The following MIB2 variants were observed in gnomAD, a reference collection of about 807,000 sequenced individuals.
MIB2 encodes E3 ubiquitin-protein ligase MIB2.
Under a neutral mutation model 96.6 loss-of-function variants are expected in MIB2, and 78 were observed. That is an observed-to-expected ratio of 0.81 (90% CI 0.67 to 0.97). The LOEUF (loss-of-function observed/expected upper bound fraction) is 0.97, where lower values mean the gene tolerates loss of function less well. Among genes scored for constraint, MIB2 ranks in the 50% least tolerant of loss-of-function variants. The probability of loss-of-function intolerance (pLI) is 0.00; values close to 1 mark genes in which losing one functional copy is unlikely to be tolerated. For missense variants in MIB2, 1,543 were observed against 1,424.0 expected (o/e 1.08, Z -1.35); for synonymous variants, 820 against 629.5 (o/e 1.30, Z -4.53).
At position 1,626,991 on chromosome 1, in the gene MIB2, A is replaced by C; in HGVS notation, c.1232A>C (p.Glu411Ala). 1 of 1,611,354 alleles carries C rather than the reference A, an allele frequency of 6.2e-7. No individual in the cohort carries two copies. Among genetic ancestry groups the C allele is most frequent in the Non-Finnish European group, 8.5e-7 (1 of 1,179,326 alleles). Residue 411 changes from glutamate to alanine, a missense_variant, in exon 10 of 20, where the codon GAG (glutamate) becomes GCG (alanine). Glu to Ala is a moderately radical substitution (Grantham distance 107). Coordinates refer to ENST00000355826, the MANE Select transcript of MIB2 (RefSeq NM_001170687.4). The surrounding 1 kb of genome is among the most constrained non-coding windows in gnomAD (Gnocchi z 5.3). ...ANLDVAERAR[E>A]NKSSLSVALD... ...CTGGACGTGGCCGAGCGCGCCCGGG[A>C]GAACAAAAGTGCGGCACAGCTCAGG...
chr1:1,629,762 C>T (rs1638376457), intron 19 of MIB2, 58 bp downstream of exon 19: 1 of 1,490,672 alleles, frequency 6.7e-7, no homozygotes, highest in Admixed American at 2.1e-5. Context: ...CCCGCGGGTC[C>T]CCGTCCCCCA....
rs1644750913 is a variant in MIB2, at chr1:1,626,275, TGGGCCCGTCCTGCACCCCATGGTCCTG to T, written c.973-368_973-342del. The T allele has an allele frequency of 3.5e-6, 1 of 287,606 alleles. No homozygotes were observed. 17.8% of individuals were successfully genotyped at this position (287,606 alleles called of 1,614,324 possible). A position where few individuals can be genotyped will look rare whatever the true frequency, so the allele number is the denominator to read the frequency against. ...ATATGAGGGCTCAGGTGGGGCAGAGTGGGCCCGTCCTGCACCCCATGGTCCTGGGGCCCCACCCCCACGCTGGCTCAC... is the reference window on the plus strand; with the variant it reads ...ATATGAGGGCTCAGGTGGGGCAGAGTGGGCCCCACCCCCACGCTGGCTCAC... On this transcript the variant is annotated intron_variant, in intron 8 of 19. Transcript: ENST00000355826. The surrounding 1 kb of genome is among the most constrained non-coding windows in gnomAD (Gnocchi z 5.3).
At chr1:1,623,349 G>C in intron 2 of MIB2, 82 bp from the exon 3 acceptor site, 1 of 1,549,182 alleles carries the variant, frequency 6.5e-7, no homozygotes, top group Non-Finnish European at 8.7e-7. Context: ...CTCTGACCGG[G>C]AGTGTCCCAT....
Position 1,625,470 on chromosome 1 carries a change from C to T in MIB2, c.864+42C>T. On this transcript the variant is annotated intron_variant, in intron 7 of 19. Transcript: ENST00000355826. This position sits in a 1 kb window ranked among gnomAD's most constrained non-coding sequence, Gnocchi z 5.0. ...TGGAGCCCTGTGTGCCCTGCCCTCC[C>T]AGCCCTCCGCCCCCTCAGCCCCTTC... The T allele has an allele frequency of 6.4e-7, 1 of 1,550,478 alleles. No homozygotes were observed. The highest frequency in any genetic ancestry group is 1.9e-5 in the Admixed American group (1 of 52,170).
chr1:1,615,618 G>A lies in MIB2; in HGVS notation c.-145G>A, dbSNP rs1203052760. On this transcript the variant is annotated 5_prime_UTR_variant, in exon 1 of 20. Transcript: ENST00000355826. ...CTAGGTCACTGGCGCGATGCGGGCC[G>A]TCCTCTCGGCTGATGGTGCGTGCGG... The A allele has an allele frequency of 6.4e-7, 1 of 1,571,634 alleles. No homozygotes were observed. The highest frequency in any genetic ancestry group is 1.8e-5 in the Admixed American group (1 of 56,444).
chr1:1,628,589 C>T lies in MIB2; in HGVS notation c.2069C>T (p.Ala690Val). 1 of 1,601,110 alleles carries T rather than the reference C, an allele frequency of 6.2e-7. No homozygotes were observed. The highest frequency in any genetic ancestry group is 8.5e-7 in the Non-Finnish European group (1 of 1,178,028). ...HVGLVPLLVD[A>V]GCSVNAEDEE... ...GGGCTGGTGCCGCTACTGGTGGACG[C>T]TGGGTGCAGTGTCAACGCCGAGGAC... The change falls in exon 16 of 20, where the codon GCT (alanine) becomes GTT (valine). Residue 690 changes from alanine (A) to valine (V), a missense_variant. Coordinates refer to ENST00000355826, the MANE Select transcript of MIB2 (RefSeq NM_001170687.4).
At chr1:1,615,150 G>A (rs781590065), upstream of MIB2, 13 of 399,116 alleles carry the variant, frequency 3.3e-5, no homozygotes, top group Non-Finnish European at 5.8e-5. Context: ...GGGAGGACGG[G>A]CCCGGACTGC....
intron 10 of MIB2, 36 bp downstream of exon 10, chr1:1,627,035 G>A: frequency 6.2e-7 from 1 of 1,604,634 alleles, no homozygotes; most frequent in Non-Finnish European, 8.5e-7. Flanking sequence ...GGGAGGTGGG[G>A]CTGCCCCTGG....
intron 2 of MIB2, among the ~76,000 whole-genome samples, chr1:1,620,830 G>A (rs2100383036): frequency 6.6e-6 from 1 of 152,392 alleles, no homozygotes; most frequent in South Asian, 2.1e-4. Flanking sequence ...GAGCTGCTGG[G>A]GCAGGAGGGA....
chr1:1,629,691 G>C lies in MIB2; in HGVS notation c.2616G>C (p.Lys872Asn). ...KCIRCQVVVS[K>N]KLRPDGSEVA... ...TCAGGTGCCAGGTGGTCGTCAGCAA[G>C]AAACTGCGCCCAGGTGGGTGAGGCT... Residue 872 changes from lysine to asparagine, a missense_variant, in exon 19 of 20, where the codon AAG becomes AAC. Lys to Asn is a moderately conservative substitution (Grantham distance 94). Transcript: ENST00000355826. The C allele has an allele frequency of 6.3e-7, 1 of 1,598,388 alleles. No homozygotes were observed. Among genetic ancestry groups the C allele is most frequent in the Non-Finnish European group, 8.5e-7 (1 of 1,172,598 alleles).
chr1:1,614,693 C>T (rs1312339121), upstream of MIB2: 3 of 152,290 alleles, frequency 2.0e-5, no homozygotes, highest in Non-Finnish European at 2.9e-5. Context: ...TTCTCAGGGA[C>T]CTTCTCCGGA....
chr1:1,628,179 TGTGA>T lies in MIB2; in HGVS notation c.1841+4_1841+7del, dbSNP rs1557612748. On this transcript the variant is annotated splice_donor_variant and splice_donor_region_variant and intron_variant, in intron 14 of 19. Transcript: ENST00000355826. LOFTEE classifies it high-confidence loss of function. ...CATGCCTCCCTCAAGGGTCACGCGC[TGTGA>T]GTGTGGGGTGGGCACACAGCTGCAG... 6.2e-7 allele frequency: 1 copy of T among 1,613,138 alleles called. No homozygotes were observed.
At position 1,625,723 on chromosome 1, in the gene MIB2, T is replaced by A; in HGVS notation, c.972+70T>A. On this transcript the variant is annotated intron_variant, in intron 8 of 19. Coordinates refer to ENST00000355826, the MANE Select transcript of MIB2 (RefSeq NM_001170687.4). This position sits in a 1 kb window ranked among gnomAD's most constrained non-coding sequence, Gnocchi z 5.0. ...CCCCTTCCACGTACCCCCTTGGCCT[T>A]GGGGGGTCAGGCAGGACTAGGGTGC... is the stretch of plus-strand genomic sequence containing the variant. The A allele has an allele frequency of 7.6e-7, 1 of 1,322,548 alleles. No individual in the cohort carries two copies. Among genetic ancestry groups the A allele is most frequent in the Non-Finnish European group, 1.1e-6 (1 of 948,826 alleles). The allele number at this position is 1,322,548 out of a possible 1,614,324, so 81.9% of individuals were successfully genotyped here.
rs890563198 is a variant in MIB2, at chr1:1,625,996, G to T, written c.972+343G>T. On this transcript the variant is annotated intron_variant, in intron 8 of 19. Coordinates refer to ENST00000355826, the MANE Select transcript of MIB2 (RefSeq NM_001170687.4). This position sits in a 1 kb window ranked among gnomAD's most constrained non-coding sequence, Gnocchi z 5.0. ...GGTTAGTGCTGTATGGGGGCCGATGGGGGTGGCTGGTTAGGACAGGGAGGT... is the reference window on the plus strand; with the variant it reads ...GGTTAGTGCTGTATGGGGGCCGATGTGGGTGGCTGGTTAGGACAGGGAGGT... The T allele has an allele frequency of 1.9e-5, 6 of 320,758 alleles. No individual in the cohort carries two copies. The highest frequency in any genetic ancestry group is 2.9e-5 in the Non-Finnish European group (5 of 171,886). The allele number at this position is 320,758 out of a possible 1,614,324, so 19.9% of individuals were successfully genotyped here.
intron 1 of MIB2, 50 bp from the exon 2 acceptor site, chr1:1,616,458 C>G (rs1414892617): frequency 7.5e-7 from 1 of 1,336,604 alleles, no homozygotes; most frequent in African/African-American, 1.5e-5. Flanking sequence ...GCGACCGAGC[C>G]GCGGGTCGAG....
intron 2 of MIB2, chr1:1,618,290 G>C (rs9442410): frequency 0.62 from 93,700 of 152,236 alleles, 30,275 homozygotes; most frequent in Non-Finnish European, 0.72. Flanking sequence ...CTGGAGCCTT[G>C]TGGGTGTAGA....
rs1644618632 is a variant in MIB2, at chr1:1,625,138, G to A, written c.674G>A (p.Gly225Asp). Reference protein sequence around the residue: ...HKGKVDLKCVGEAAGGFYYKD... With the variant: ...HKGKVDLKCVDEAAGGFYYKD... ...GGCAAGGTGGACCTCAAGTGTGTGGGCGAGGCAGCGGGCGGCTTCTACTAC... is the reference window on the plus strand; with the variant it reads ...GGCAAGGTGGACCTCAAGTGTGTGGACGAGGCAGCGGGCGGCTTCTACTAC... The change falls in exon 6 of 20, where the codon GGC becomes GAC. Residue 225 changes from glycine to aspartate, a missense_variant. Gly to Asp is a moderately conservative substitution (Grantham distance 94). Transcript: ENST00000355826. This position sits in a 1 kb window ranked among gnomAD's most constrained non-coding sequence, Gnocchi z 5.0. The A allele has an allele frequency of 2.5e-6, 4 of 1,612,992 alleles. No individual in the cohort carries two copies. Among genetic ancestry groups the A allele is most frequent in the Non-Finnish European group, 3.4e-6 (4 of 1,179,720 alleles).
At chr1:1,622,665 G>T (rs147261839) in intron 2 of MIB2, among the ~76,000 whole-genome samples, 2 of 152,210 alleles carry the variant, frequency 1.3e-5, no homozygotes, top group African/African-American at 4.8e-5. Context: ...TCAGGACCCC[G>T]TGGCCACTGA....
Position 1,616,631 on chromosome 1 carries a change from C to G in MIB2, c.-23+17C>G, listed in dbSNP as rs1473028466. On this transcript the variant is annotated intron_variant, in intron 2 of 19. Coordinates refer to ENST00000355826, the MANE Select transcript of MIB2 (RefSeq NM_001170687.4). ...GCCGGACAGGTGAGCTCTTGATCGT[C>G]CGCGGCCTGATAGTTTGCACTTGGC... 5 of 1,564,406 alleles carry G rather than the reference C, an allele frequency of 3.2e-6. No homozygotes were observed. In the Admixed American group the frequency reaches 7.3e-5, roughly 23 times the overall value.
Sources: gnomAD v4.1 joint callset for allele counts (sites outside exome capture counted in the v4.1 genomes callset) on GRCh38, gnomAD v4.1.1 for gene constraint, Gnocchi (gnomAD v3.1) non-coding constraint, MANE v1.5 for transcripts, NCBI Gene and HGNC (gene_info 2026-07-23, HGNC 2026-07-21) for gene names.